HSPA12A: variants seen among roughly 807,000 people sequenced by gnomAD.
HSPA12A encodes heat shock 70 kDa protein 12A.
A neutral mutation model predicts 69.2 loss-of-function variants in HSPA12A; 28 were observed. The observed-to-expected ratio is 0.40, with a 90% CI of 0.30 to 0.55. The LOEUF (loss-of-function observed/expected upper bound fraction) is 0.55. Among genes scored for constraint, HSPA12A ranks in the 20% least tolerant of loss-of-function variants. HSPA12A has a pLI of 0.38. For synonymous variants in HSPA12A, 345 were observed against 370.5 expected, an observed-to-expected ratio of 0.93 and a Z score of 0.79; for missense variants, 686 against 900.7, an observed-to-expected ratio of 0.76 and a Z score of 3.05.
intron 2 of HSPA12A, among the ~76,000 whole-genome samples, chr10:116,756,819 G>T (rs2133095365): frequency 6.6e-6 from 1 of 152,282 alleles, no homozygotes; most frequent in Admixed American, 6.5e-5. Flanking sequence ...GGTCTTCAGT[G>T]GGAGATGGAA....
chr10:116,791,224 G>C (rs1201164406), intron 2 of HSPA12A, among the ~76,000 whole-genome samples: 2 of 152,188 alleles, frequency 1.3e-5, no homozygotes, highest in African/African-American at 4.8e-5. Context: ...TCTGAAGCTT[G>C]AAGAGCCTAG....
In HSPA12A at chr10:116,674,795, A is replaced by C. The variant is rs375829666; in HGVS notation, c.2014T>G (p.Phe672Val). ...TSKSVKVGID[F>V]LNY is the part of the protein sequence containing the mutation. ...GGGCGGGAGGGTTAGTAATTTAAGA[A>C]GTCGATCCCAACTTTGACACTCTTC... The change falls in exon 12 of 12, where the codon TTC becomes GTC. Residue 672 changes from phenylalanine to valine, a missense_variant. Phe to Val is a conservative substitution (Grantham distance 50). Coordinates refer to ENST00000369209, the MANE Select transcript of HSPA12A (RefSeq NM_025015.3). 4 of 1,605,594 alleles carry C rather than the reference A, an allele frequency of 2.5e-6. No individual in the cohort carries two copies. In the African/African-American group the frequency reaches 5.3e-5, roughly 21 times the overall value.
chr10:116,849,411 G>A, intron 1 of HSPA12A: 1 of 1,064,594 alleles, frequency 9.4e-7, no homozygotes, highest in Non-Finnish European at 1.3e-6. Flanking sequence ...TACCATCCTA[G>A]CTCCAATAAA....
intron 2 of HSPA12A, among the ~76,000 whole-genome samples, chr10:116,772,424 T>C (rs556304013): frequency 3.1e-4 from 47 of 152,036 alleles, no homozygotes; most frequent in Middle Eastern, 3.4e-3. Context: ...CTGAGCAGAC[T>C]CTGTGGAGCT....
intron 6 of HSPA12A, among the ~76,000 whole-genome samples, 198 bp from the exon 7 acceptor site, chr10:116,684,160 C>G (rs1021856061): frequency 6.6e-6 from 1 of 152,184 alleles, no homozygotes; most frequent in Non-Finnish European, 1.5e-5. Flanking sequence ...CCAAACACCC[C>G]AGGGTGGCCA....
chr10:116,693,135 T>A (rs1359892587), intron 5 of HSPA12A, among the ~76,000 whole-genome samples: 1 of 152,192 alleles, frequency 6.6e-6, no homozygotes, highest in Non-Finnish European at 1.5e-5. Context: ...CCCACAGTGA[T>A]GCTTACCAGC....
At position 116,674,834 on chromosome 10, in the gene HSPA12A, C is replaced by T. The variant is rs1849177722; in HGVS notation, c.1975G>A (p.Asp659Asn). The change falls in exon 12 of 12, where the codon GAT (aspartate) becomes AAT (asparagine). Residue 659 changes from aspartate (D) to asparagine (N), a missense_variant. Transcript: ENST00000369209. Reference sequence around the variant, plus strand: ...TTGACACTCTTCGAAGTGGCTATATCAATGGCTGTGGCTTTGATCTCGGTG... The same window carrying T: ...TTGACACTCTTCGAAGTGGCTATATTAATGGCTGTGGCTTTGATCTCGGTG... Reference protein sequence around the residue: ...GDTEIKATAIDIATSKSVKVG... With the variant: ...GDTEIKATAINIATSKSVKVG... The T allele has an allele frequency of 6.2e-7, 1 of 1,613,546 alleles. No individual in the cohort carries two copies. Among genetic ancestry groups the T allele is most frequent in the Non-Finnish European group, 8.5e-7 (1 of 1,180,006 alleles).
chr10:116,813,382 G>A (rs1845234172), intron 2 of HSPA12A, among the ~76,000 whole-genome samples: 1 of 150,742 alleles, frequency 6.6e-6, no homozygotes, highest in South Asian at 2.1e-4. Flanking sequence ...AGTAGCTGGG[G>A]ACTACAGGCA....
At chr10:116,797,882 G>C (rs1637569) in intron 2 of HSPA12A, among the ~76,000 whole-genome samples, 130,164 of 152,012 alleles carry the variant, frequency 0.86, 56,836 homozygotes, top group Non-Finnish European at 0.94. Flanking sequence ...ACTGATGGTG[G>C]GGAAGGCTTC....
intron 1 of HSPA12A, among the ~76,000 whole-genome samples, chr10:116,728,551 A>G (rs1443898497): frequency 1.3e-5 from 2 of 152,200 alleles, no homozygotes; most frequent in Non-Finnish European, 2.9e-5. Flanking sequence ...AAGCATCAGA[A>G]GCCATCATGA....
intron 2 of HSPA12A, among the ~76,000 whole-genome samples, chr10:116,787,978 A>G (rs1224702130): frequency 3.9e-5 from 6 of 152,080 alleles, no homozygotes; most frequent in Non-Finnish European, 8.8e-5. Flanking sequence ...AGGGTCGGGG[A>G]TAGGAGGGCT....
At chr10:116,787,020 ACG>A (rs58889371) in intron 2 of HSPA12A, among the ~76,000 whole-genome samples, 5 of 148,928 alleles carry the variant, frequency 3.4e-5, no homozygotes, top group East Asian at 2.0e-4. Context: ...ACACACACGC[ACG>A]CACTCACACA....
At chr10:116,799,356 T>C (rs1844905674) in intron 2 of HSPA12A, among the ~76,000 whole-genome samples, 1 of 152,250 alleles carries the variant, frequency 6.6e-6, no homozygotes, top group South Asian at 2.1e-4. Flanking sequence ...CAACAGCTTA[T>C]TTTGTTTCTT....
chr10:116,733,273 G>C (rs1699789428), intron 1 of HSPA12A, among the ~76,000 whole-genome samples: 1 of 152,150 alleles, frequency 6.6e-6, no homozygotes, highest in African/African-American at 2.4e-5. Flanking sequence ...GTGGCCAGAG[G>C]AGTTTAGCCT....
intron 1 of HSPA12A, among the ~76,000 whole-genome samples, chr10:116,716,666 G>A (rs72829621): frequency 0.27 from 41,396 of 152,044 alleles, 5,959 homozygotes; most frequent in East Asian, 0.43. Flanking sequence ...TTGGCTCTTC[G>A]GCTGCTGCTC....
At chr10:116,783,564 C>T (rs533972868) in intron 2 of HSPA12A, among the ~76,000 whole-genome samples, 1 of 152,192 alleles carries the variant, frequency 6.6e-6, no homozygotes, top group African/African-American at 2.4e-5. Context: ...CCACCCCAGT[C>T]CACTCTCTCC....
rs547387318 is a variant in HSPA12A at position 116,688,430 on chromosome 10, G to A, written c.663+3921C>T. Among the ~76,000 whole-genome samples, 23 of 152,342 alleles carry A rather than the reference G, an allele frequency of 1.5e-4. No homozygotes were observed. In the East Asian group the frequency reaches 4.4e-3, roughly 29 times the overall value. ...TTTTAGAGCCTTCCTCTGTGATCAC[G>A]AGTTTCACTCAGGAGAAGCAGGTGA... is the stretch of plus-strand genomic sequence containing the variant. On this transcript the variant is annotated intron_variant, in intron 6 of 11. Coordinates refer to ENST00000369209, the MANE Select transcript of HSPA12A (RefSeq NM_025015.3).
chr10:116,738,215 C>A (rs533624820), intron 1 of HSPA12A, among the ~76,000 whole-genome samples: 1 of 152,328 alleles, frequency 6.6e-6, no homozygotes, highest in Admixed American at 6.5e-5. Flanking sequence ...GCCTGACTCC[C>A]CTCCAGCTTG....
At chr10:116,830,058 G>T (rs1351609837) in intron 2 of HSPA12A, 1 of 152,188 alleles carries the variant, frequency 6.6e-6, no homozygotes. Context: ...GAATGATGGG[G>T]AATCACACAA....
Sources: allele counts gnomAD v4.1 joint callset (sites outside exome capture counted in the v4.1 genomes callset), GRCh38; gene constraint gnomAD v4.1.1; transcripts MANE v1.5; gene names NCBI Gene and HGNC (gene_info 2026-07-23, HGNC 2026-07-21).